Variants in SAMD13 observed in about 807,000 individuals in gnomAD.
SAMD13 encodes sterile alpha motif domain-containing protein 13.
Under a neutral mutation model 12.4 loss-of-function variants are expected in SAMD13, and 9 were observed. The ratio of observed to expected loss-of-function variants is 0.72; its 90% CI spans 0.44 to 1.26. The LOEUF is 1.26. Ranked by LOEUF, SAMD13 falls within the 50% of genes most tolerant of loss-of-function variation. The pLI is 0.00. For synonymous variants in SAMD13, 46 were observed against 45.4 expected, an observed-to-expected ratio of 1.01 and a Z score of -0.05; for missense variants, 84 against 119.6, an observed-to-expected ratio of 0.70 and a Z score of 1.39.
In SAMD13 at chr1:84,344,078, CTT is replaced by C. The variant is rs113728574; in HGVS notation, c.166-5542_166-5541del. On this transcript the variant is annotated intron_variant, in intron 3 of 3. Transcript: ENST00000394834. ...AGGTTTTTGTTTTTTGTTTTTTTGG[CTT>C]TTTTTTTTTTGTAATACAGACCCTT... Among the ~76,000 whole-genome samples the C allele has an allele frequency of 4.4e-3, 627 of 141,072 alleles. 4 individuals carry two copies. Among genetic ancestry groups the C allele is most frequent in the African/African-American group, 0.015 (576 of 38,896 alleles). The allele number at this position is 141,072 out of a possible 152,430, so 92.5% of individuals were successfully genotyped here. A position where few individuals can be genotyped will look rare whatever the true frequency, so the allele number is the denominator to read the frequency against.
intron 3 of SAMD13, among the ~76,000 whole-genome samples, chr1:84,340,321 A>T (rs998048337): frequency 2.0e-5 from 3 of 152,270 alleles, no homozygotes; most frequent in Non-Finnish European, 4.4e-5. Flanking sequence ...GAAATAAGCC[A>T]GACAAATATT....
At chr1:84,320,825 C>G (rs1199939478) in intron 2 of SAMD13, among the ~76,000 whole-genome samples, 1 of 152,152 alleles carries the variant, frequency 6.6e-6, no homozygotes, top group Non-Finnish European at 1.5e-5. Context: ...GTAACTTGCT[C>G]TGAACTTTGA....
intron 3 of SAMD13, among the ~76,000 whole-genome samples, chr1:84,330,492 A>G (rs1266023591): frequency 2.0e-5 from 3 of 152,228 alleles, no homozygotes; most frequent in Non-Finnish European, 2.9e-5. Context: ...CTTGTTCAAA[A>G]GCATCCTTCC....
intron 3 of SAMD13, chr1:84,345,206 G>A (rs139909678): frequency 1.8e-5 from 8 of 456,298 alleles, no homozygotes; most frequent in African/African-American, 1.4e-4. Flanking sequence ...CAAAGAAAGT[G>A]CTAGAAGATG....
At chr1:84,334,037 G>A (rs761577843) in intron 3 of SAMD13, among the ~76,000 whole-genome samples, 3 of 152,040 alleles carry the variant, frequency 2.0e-5, no homozygotes, top group African/African-American at 7.2e-5. Context: ...ATCTCTGCCA[G>A]GTTCTGGTAT....
chr1:84,305,794 A>T (rs990049661), intron 2 of SAMD13, among the ~76,000 whole-genome samples: 1 of 152,178 alleles, frequency 6.6e-6, no homozygotes, highest in African/African-American at 2.4e-5. Context: ...GCTGAAAAAT[A>T]ATTGATCACA....
chr1:84,331,385 A>C (rs1020533384), intron 3 of SAMD13, among the ~76,000 whole-genome samples: 2 of 147,908 alleles, frequency 1.4e-5, no homozygotes, highest in African/African-American at 4.9e-5. Flanking sequence ...GTTAAGGTGA[A>C]ACTTAAACAT....
intron 3 of SAMD13, among the ~76,000 whole-genome samples, chr1:84,344,096 A>G (rs1679483000): frequency 6.7e-6 from 1 of 148,916 alleles, no homozygotes; most frequent in South Asian, 2.1e-4. Context: ...TTTTTGTAAT[A>G]CAGACCCTTT....
chr1:84,348,025 A>G (rs1679568473), intron 3 of SAMD13, among the ~76,000 whole-genome samples: 1 of 152,218 alleles, frequency 6.6e-6, no homozygotes, highest in South Asian at 2.1e-4. Context: ...CAAAACCACC[A>G]TAGACCAGGT....
rs1679631140 is a variant in SAMD13, at chr1:84,350,655, C to G, written c.*881C>G. On this transcript the variant is annotated 3_prime_UTR_variant, in exon 4 of 4. Transcript: ENST00000394834. ...TAATTGTCCTATGCTTTGTTCGGTT[C>G]CTGGGTTAAGTACTTGTTTTTAAGA... 1 of 152,022 alleles carries G rather than the reference C, an allele frequency of 6.6e-6. No homozygotes were observed. Among genetic ancestry groups the G allele is most frequent in the African/African-American group, 2.4e-5 (1 of 41,214 alleles). The allele number at this position is 152,022 out of a possible 1,614,324, so 9.4% of individuals were successfully genotyped here. A position where few individuals can be genotyped will look rare whatever the true frequency, so the allele number is the denominator to read the frequency against.
chr1:84,312,235 C>T (rs1678731380), intron 2 of SAMD13, among the ~76,000 whole-genome samples: 2 of 152,014 alleles, frequency 1.3e-5, no homozygotes, highest in Admixed American at 1.3e-4. Flanking sequence ...ATTATCTTTA[C>T]CTTTTTTTAC....
chr1:84,339,460 C>T lies in SAMD13; in HGVS notation c.166-10171C>T, dbSNP rs139364016. On this transcript the variant is annotated intron_variant, in intron 3 of 3. Coordinates refer to ENST00000394834, the MANE Select transcript of SAMD13 (RefSeq NM_001134663.2). The stretch of plus-strand genomic sequence containing the variant: ...AAGATTTTAGGGGGACAAGGCTCAG[C>T]TTGGCACTTCTGGGCTGCATGCTGT... Among the ~76,000 whole-genome samples the T allele has an allele frequency of 2.9e-4, 44 of 152,146 alleles. 1 individual carries two copies. Among genetic ancestry groups the T allele is most frequent in the African/African-American group, 9.9e-4 (41 of 41,500 alleles).
chr1:84,336,047 A>G (rs777527990), intron 3 of SAMD13, among the ~76,000 whole-genome samples: 3 of 152,110 alleles, frequency 2.0e-5, no homozygotes, highest in South Asian at 4.1e-4. Context: ...TTTGTATAGT[A>G]TCTCACAAGG....
chr1:84,311,847 A>C (rs1189377760), intron 2 of SAMD13, among the ~76,000 whole-genome samples: 7 of 152,214 alleles, frequency 4.6e-5, no homozygotes, highest in Non-Finnish European at 1.0e-4. Flanking sequence ...TTAGTTTTTC[A>C]AATTGTAAAT....
intron 3 of SAMD13, among the ~76,000 whole-genome samples, chr1:84,331,425 A>G (rs1386448559): frequency 6.6e-6 from 1 of 151,098 alleles, no homozygotes; most frequent in Admixed American, 6.6e-5. Flanking sequence ...TCTGGCTTTG[A>G]ATTAGACCAA....
chr1:84,313,279 A>T (rs1349057928), intron 2 of SAMD13, among the ~76,000 whole-genome samples: 1 of 152,178 alleles, frequency 6.6e-6, no homozygotes, highest in Non-Finnish European at 1.5e-5. Flanking sequence ...AACAAATGGG[A>T]TCATAGTATT....
chr1:84,321,285 G>C (rs912808049), intron 2 of SAMD13, among the ~76,000 whole-genome samples: 2 of 151,982 alleles, frequency 1.3e-5, no homozygotes, highest in African/African-American at 4.8e-5. Context: ...ACTAAAAGGT[G>C]ACTGGGCTAA....
At chr1:84,327,892 A>G (rs763844609) in intron 3 of SAMD13, among the ~76,000 whole-genome samples, 14 of 152,184 alleles carry the variant, frequency 9.2e-5, no homozygotes, top group Non-Finnish European at 1.8e-4. Context: ...AAAACTGCTC[A>G]GGTTGGAAAG....
At chr1:84,309,196 C>T (rs562016114) in intron 2 of SAMD13, among the ~76,000 whole-genome samples, 18 of 152,178 alleles carry the variant, frequency 1.2e-4, no homozygotes, top group African/African-American at 4.1e-4. Flanking sequence ...TTGAACCTGG[C>T]TCTTCTGACT....
Sources: gnomAD v4.1 joint callset for allele counts (sites outside exome capture counted in the v4.1 genomes callset) on GRCh38, gnomAD v4.1.1 for gene constraint, MANE v1.5 for transcripts, NCBI Gene and HGNC (gene_info 2026-07-23, HGNC 2026-07-21) for gene names.